Variants in NHS observed in about 807,000 individuals in gnomAD.
The protein encoded by NHS is NHS actin remodeling regulator, also known as actin remodeling regulator NHS.
A neutral mutation model predicts 72.5 loss-of-function variants in NHS; 5 were observed. The ratio of observed to expected loss-of-function variants is 0.07; its 90% CI spans 0.04 to 0.14. The LOEUF (loss-of-function observed/expected upper bound fraction) is 0.14, where lower values mean the gene tolerates loss of function less well. NHS is among the 10% of genes least tolerant of loss of function. The pLI is 1.00. For synonymous variants in NHS, 464 were observed against 547.7 expected (o/e 0.85, Z 2.13); for missense variants, 1,072 against 1,355.7 (o/e 0.79, Z 3.29).
At chrX:17,542,479 G>A (rs1428904105) in intron 1 of NHS, among the ~76,000 whole-genome samples, 2 of 113,147 alleles carry the variant, frequency 1.8e-5, no homozygotes, top group Non-Finnish European at 3.7e-5. Context: ...AGTGCCCTGA[G>A]GATGCTTGAA....
chrX:17,533,286 G>A (rs763050418), intron 1 of NHS, among the ~76,000 whole-genome samples: 5 of 111,572 alleles, frequency 4.5e-5, no homozygotes, highest in African/African-American at 6.5e-5. Flanking sequence ...GTTGCTCGTT[G>A]ATTTTTATTT....
intron 1 of NHS, among the ~76,000 whole-genome samples, chrX:17,568,584 A>G (rs1321261386): frequency 3.7e-5 from 4 of 106,672 alleles, no homozygotes; most frequent in Non-Finnish European, 5.8e-5. Flanking sequence ...AGTCTATTTC[A>G]GTCCAGACAA....
intron 1 of NHS, among the ~76,000 whole-genome samples, chrX:17,532,499 C>T (rs1175073285): frequency 9.0e-6 from 1 of 111,616 alleles, no homozygotes; most frequent in Non-Finnish European, 1.9e-5. Context: ...CCTTGAGTTT[C>T]GTATCAACCT....
At chrX:17,402,066 A>G (rs1319628901) in intron 1 of NHS, among the ~76,000 whole-genome samples, 3 of 112,335 alleles carry the variant, frequency 2.7e-5, no homozygotes, top group Admixed American at 1.9e-4. Flanking sequence ...AAAAATGGCC[A>G]TAAGCACATG....
At chrX:17,690,759 G>C (rs1462922322) in intron 2 of NHS, among the ~76,000 whole-genome samples, 2 of 111,605 alleles carry the variant, frequency 1.8e-5, no homozygotes, top group Non-Finnish European at 3.8e-5. Context: ...GTTTTGTGGA[G>C]GATGTAGCAT....
At chrX:17,448,470 C>A (rs894337314) in intron 1 of NHS, among the ~76,000 whole-genome samples, 1 of 111,703 alleles carries the variant, frequency 9.0e-6, no homozygotes, top group Non-Finnish European at 1.9e-5. Flanking sequence ...TCATGAATGC[C>A]CACTGTGGCT....
rs755451186 is a variant in NHS, at chrX:17,636,916, TATC to T, written c.566-50823_566-50821del. ...AAGTTGTTCAAATGCAAGTCCCTAA[TATC>T]ATATATATTTATGATAAATAACCAT... On this transcript the variant is annotated intron_variant, in intron 1 of 8. Transcript: ENST00000676302. Among the ~76,000 whole-genome samples, 17 of 112,170 alleles carry T rather than the reference TATC, an allele frequency of 1.5e-4. No individual in the cohort carries two copies. The East Asian group carries it at 4.7e-3, about 31-fold the overall frequency.
At chrX:17,610,359 T>A (rs1396563831) in intron 1 of NHS, among the ~76,000 whole-genome samples, 1 of 112,639 alleles carries the variant, frequency 8.9e-6, no homozygotes, top group Non-Finnish European at 1.9e-5. Context: ...ACATGAGTGG[T>A]ATAATCAGTT....
intron 1 of NHS, among the ~76,000 whole-genome samples, chrX:17,454,181 T>C (rs192273888): frequency 9.0e-4 from 101 of 112,081 alleles, no homozygotes; most frequent in African/African-American, 3.1e-3. Flanking sequence ...TTTGGAGCCC[T>C]GTTGATTTAT....
At chrX:17,628,488 C>T (rs955562064) in intron 1 of NHS, among the ~76,000 whole-genome samples, 3 of 112,895 alleles carry the variant, frequency 2.7e-5, no homozygotes, top group Non-Finnish European at 3.7e-5. Flanking sequence ...CCCATGGACT[C>T]ACACACAAAC....
Position 17,727,002 on chromosome X carries a change from T to C in NHS, c.2896T>C (p.Ser966Pro). 8.3e-7 allele frequency: 1 copy of C among 1,212,033 alleles called. No homozygotes were observed. The highest frequency in any genetic ancestry group is 1.1e-6 in the Non-Finnish European group (1 of 895,548). ...TGATCCTTATAGATCTCTATCTAAT[T>C]CAAGCACCGCTACGGGTACCACAGT... ...TNDPYRSLSN[S>P]STATGTTVIE... The change falls in exon 7 of 9, where the codon TCA becomes CCA. Residue 966 changes from serine to proline, a missense_variant. By Grantham distance (74) the Ser-to-Pro change is moderately conservative. Coordinates refer to ENST00000676302, the MANE Select transcript of NHS (RefSeq NM_001291867.2).
At chrX:17,445,041 C>A (rs774621690) in intron 1 of NHS, among the ~76,000 whole-genome samples, 1 of 111,683 alleles carries the variant, frequency 9.0e-6, no homozygotes, top group Non-Finnish European at 1.9e-5. Flanking sequence ...TTTGGAAATG[C>A]TTCCTTCCTG....
rs141556532 is a variant in NHS, at chrX:17,731,783, T to C, written c.4350-75T>C. 2.5e-3 allele frequency: 2,847 copies of C among 1,131,560 alleles called. 53 individuals carry two copies. In the African/African-American group the frequency reaches 0.046, roughly 18 times the overall value. 93.3% of individuals were successfully genotyped at this position (1,131,560 alleles called of 1,213,427 possible). A position where few individuals can be genotyped will look rare whatever the true frequency, so the allele number is the denominator to read the frequency against. On this transcript the variant is annotated intron_variant, in intron 8 of 8. Coordinates refer to ENST00000676302, the MANE Select transcript of NHS (RefSeq NM_001291867.2). ...AATGCACTTTAGACAGATGTGTGAA[T>C]GCGACTGAATACTTCAGTTTCATAA... is the stretch of plus-strand genomic sequence containing the variant.
chrX:17,651,950 G>A (rs1214911089), intron 1 of NHS, among the ~76,000 whole-genome samples: 1 of 112,747 alleles, frequency 8.9e-6, no homozygotes, highest in Admixed American at 9.4e-5. Context: ...GAGCCACACT[G>A]TAGATCAGAG....
Position 17,425,939 on chromosome X carries a change from G to A in NHS, c.565+49617G>A, listed in dbSNP as rs186480864. ...GGAACTGTGATGTCCAGGAGATCCA[G>A]AGAGAATCAGAGTTTCAGTGAGTGA... On this transcript the variant is annotated intron_variant, in intron 1 of 8. Coordinates refer to ENST00000676302, the MANE Select transcript of NHS (RefSeq NM_001291867.2). 1.8e-3 allele frequency: 206 copies of A among 112,632 alleles called. 1 individual carries two copies. The Middle Eastern group carries it at 0.023, about 12-fold the overall frequency. The allele number at this position is 112,632 out of a possible 1,213,427, so 9.3% of individuals were successfully genotyped here.
At chrX:17,651,089 T>A (rs777918083) in intron 1 of NHS, among the ~76,000 whole-genome samples, 55 of 112,422 alleles carry the variant, frequency 4.9e-4, no homozygotes, top group African/African-American at 1.7e-3. Flanking sequence ...GAAAAGAGTT[T>A]CCCAAGGCTA....
chrX:17,517,019 G>A (rs181908381), intron 1 of NHS, among the ~76,000 whole-genome samples: 41 of 112,254 alleles, frequency 3.7e-4, no homozygotes, highest in African/African-American at 1.2e-3. Context: ...GAAGACGTCT[G>A]TCCCTGATTG....
chrX:17,575,099 G>A (rs1037454511), intron 1 of NHS, among the ~76,000 whole-genome samples: 21 of 112,690 alleles, frequency 1.9e-4, no homozygotes, highest in African/African-American at 1.9e-4. Flanking sequence ...GACCATAGCA[G>A]CTGCCTCCTT....
At chrX:17,520,720 G>A (rs73443615) in intron 1 of NHS, among the ~76,000 whole-genome samples, 1,751 of 112,053 alleles carry the variant, frequency 0.016, 42 homozygotes, top group African/African-American at 0.054. Context: ...GGGTGAAATT[G>A]TGCAAGCATG....
Sources: allele counts gnomAD v4.1 joint callset (sites outside exome capture counted in the v4.1 genomes callset), GRCh38; gene constraint gnomAD v4.1.1; transcripts MANE v1.5; gene names NCBI Gene and HGNC (gene_info 2026-07-23, HGNC 2026-07-21).